Variants in NPAT observed in about 807,000 individuals in gnomAD.
NPAT encodes the protein protein NPAT.
In NPAT, 52 loss-of-function variants were observed where a neutral mutation model predicts 130.7. The observed-to-expected ratio is 0.40, with a 90% confidence interval of 0.32 to 0.50. The LOEUF (loss-of-function observed/expected upper bound fraction) is 0.50, where lower values mean the gene tolerates loss of function less well. NPAT is among the 20% of genes least tolerant of loss of function. NPAT has a pLI of 0.68. For missense variants in NPAT, 1,687 were observed against 1,662.6 expected (o/e 1.01, Z -0.26); for synonymous variants, 580 against 584.8 (o/e 0.99, Z 0.12).
At chr11:108,204,357 A>G (rs529328551) in intron 1 of NPAT, among the ~76,000 whole-genome samples, 58 of 140,470 alleles carry the variant, frequency 4.1e-4, no homozygotes, top group African/African-American at 1.5e-3. Flanking sequence ...TGAGCCCATA[A>G]AAACCCTGGA....
chr11:108,181,724 A>C (rs1271694028), intron 10 of NPAT, among the ~76,000 whole-genome samples: 2 of 151,454 alleles, frequency 1.3e-5, no homozygotes, highest in East Asian at 4.0e-4. Context: ...GGAGGCCTGC[A>C]TCGAGGTCAT....
chr11:108,168,798 CAAGA>C (rs1410078897), intron 15 of NPAT, among the ~76,000 whole-genome samples: 1 of 151,968 alleles, frequency 6.6e-6, no homozygotes, highest in African/African-American at 2.4e-5. Context: ...GGTACAGGGA[CAAGA>C]AAGATCACCA....
In NPAT at chr11:108,161,096, CATA is replaced by C; in HGVS notation, c.3987_3989del (p.Asn1329_Met1330delinsLys). 6.2e-7 allele frequency: 1 copy of C among 1,614,128 alleles called. No homozygotes were observed. Among genetic ancestry groups the C allele is most frequent in the Non-Finnish European group, 8.5e-7 (1 of 1,180,034 alleles). On this transcript the variant is annotated inframe_deletion, in exon 17 of 18. Coordinates refer to ENST00000278612, the MANE Select transcript of NPAT (RefSeq NM_002519.3). ...AGAGAATCATTAATGTGTGGGCAGCCATATTTACACTGTTTTCACTTCCTGTTT... is the reference window on the plus strand; with the variant it reads ...AGAGAATCATTAATGTGTGGGCAGCCTTTACACTGTTTTCACTTCCTGTTT...
chr11:108,221,687 G>A (rs553651947), intron 1 of NPAT, among the ~76,000 whole-genome samples: 4 of 152,294 alleles, frequency 2.6e-5, no homozygotes, highest in South Asian at 2.1e-4. Flanking sequence ...TACGACGTCC[G>A]TAAATTACTG....
chr11:108,195,128 C>T (rs994564950), intron 2 of NPAT, among the ~76,000 whole-genome samples: 3 of 151,974 alleles, frequency 2.0e-5, no homozygotes, highest in African/African-American at 7.2e-5. Context: ...AGCCTGTTTT[C>T]AGTTTTTAGC....
At chr11:108,208,600 A>AG (rs1555047551) in intron 1 of NPAT, 71 of 339,682 alleles carry the variant, frequency 2.1e-4, no homozygotes, top group African/African-American at 5.5e-4. Flanking sequence ...AAAAAAAAAA[A>AG]AGAGAGAGAG....
At chr11:108,175,031 T>G (rs536327463) in intron 12 of NPAT, among the ~76,000 whole-genome samples, 9 of 152,374 alleles carry the variant, frequency 5.9e-5, no homozygotes, top group African/African-American at 2.2e-4. Flanking sequence ...TTATGTCAAC[T>G]AGCATATACA....
Position 108,189,186 on chromosome 11 carries a change from C to A in NPAT, c.476G>T (p.Arg159Leu), listed in dbSNP as rs369929633. The change falls in exon 6 of 18, where the codon CGA becomes CTA. Residue 159 changes from arginine (R) to leucine (L), a missense_variant. By Grantham distance (102) the Arg-to-Leu change is moderately radical. Around this residue, in one of 3 missense-constraint regions of NPAT, gnomAD observed 307 missense variants for 298.9 expected, o/e 1.03. Transcript: ENST00000278612. The stretch of plus-strand genomic sequence containing the variant: ...TGGATCTGAAATTTGGCCACTTGGT[C>A]GAGTAACCTGTGTACCTGTGGAAGG... ...TPPSTGTQVT[R>L]PSGQISDPSR... 14 of 1,613,940 alleles carry A rather than the reference C, an allele frequency of 8.7e-6. No individual in the cohort carries two copies. The Admixed American group carries it at 2.3e-4, about 27-fold the overall frequency.
chr11:108,165,039 T>C (rs989651947), intron 15 of NPAT, among the ~76,000 whole-genome samples: 5 of 150,034 alleles, frequency 3.3e-5, no homozygotes, highest in Non-Finnish European at 7.4e-5. Context: ...AAATAAGGAG[T>C]GGAAAGGATA....
In NPAT at chr11:108,158,813, T is replaced by C. The variant is rs544086322; in HGVS notation, c.*129A>G. 95 of 642,204 alleles carry C rather than the reference T, an allele frequency of 1.5e-4. No homozygotes were observed. In the South Asian group the frequency reaches 1.5e-3, roughly 10 times the overall value. The allele number at this position is 642,204 out of a possible 1,614,324, so 39.8% of individuals were successfully genotyped here. A position where few individuals can be genotyped will look rare whatever the true frequency, so the allele number is the denominator to read the frequency against. On this transcript the variant is annotated 3_prime_UTR_variant, in exon 18 of 18. Coordinates refer to ENST00000278612, the MANE Select transcript of NPAT (RefSeq NM_002519.3). ...TGTTTCAGAAACAGCATGATTTAGA[T>C]ATAAAGTGAAGTTTCAGTACAATGA...
intron 1 of NPAT, among the ~76,000 whole-genome samples, chr11:108,206,924 A>T (rs2078331100): frequency 6.6e-6 from 1 of 152,166 alleles, no homozygotes; most frequent in Non-Finnish European, 1.5e-5. Context: ...GAGGATACCC[A>T]CAGTGGGAAG....
At chr11:108,213,094 A>G (rs2078400016) in intron 1 of NPAT, among the ~76,000 whole-genome samples, 1 of 152,034 alleles carries the variant, frequency 6.6e-6, no homozygotes, top group Admixed American at 6.6e-5. Context: ...ACCAACATGG[A>G]GAAACCCTGG....
chr11:108,164,311 G>A (rs2077880481), intron 15 of NPAT, among the ~76,000 whole-genome samples: 1 of 152,174 alleles, frequency 6.6e-6, no homozygotes, highest in African/African-American at 2.4e-5. Context: ...AAGTGGTAGG[G>A]AATGGTAGCA....
intron 15 of NPAT, among the ~76,000 whole-genome samples, chr11:108,162,861 C>G (rs1365922139): frequency 1.3e-5 from 2 of 152,112 alleles, no homozygotes; most frequent in Non-Finnish European, 2.9e-5. Context: ...AAATTCTGTC[C>G]CGGTACCTAT....
rs1167415267 is a variant in NPAT at position 108,185,222 on chromosome 11, C to G, written c.906+10G>C. On this transcript the variant is annotated intron_variant, in intron 10 of 17. Coordinates refer to ENST00000278612, the MANE Select transcript of NPAT (RefSeq NM_002519.3). ...ACACACGCACCCATGCACACCCCAA[C>G]CACCCATACCGGAAGTCCTAGGAAT... The G allele has an allele frequency of 6.3e-7, 1 of 1,596,524 alleles. No homozygotes were observed.
Position 108,157,437 on chromosome 11 carries a change from C to T in NPAT, c.*1505G>A, listed in dbSNP as rs2077807563. 1 of 152,082 alleles carries T rather than the reference C, an allele frequency of 6.6e-6. No homozygotes were observed. 9.4% of individuals were successfully genotyped at this position (152,082 alleles called of 1,614,324 possible). On this transcript the variant is annotated 3_prime_UTR_variant, in exon 18 of 18. Coordinates refer to ENST00000278612, the MANE Select transcript of NPAT (RefSeq NM_002519.3). ...TATTCAAACCTAACTGTAGTACAGT[C>T]TCAAGCTGAGTTAAATAAACATTAA...
At chr11:108,166,564 T>G (rs561731888) in intron 15 of NPAT, among the ~76,000 whole-genome samples, 202 of 152,362 alleles carry the variant, frequency 1.3e-3, no homozygotes, top group Non-Finnish European at 2.4e-3. Flanking sequence ...ATTGTATATT[T>G]AATGATCAAT....
intron 17 of NPAT, 34 bp from the exon 18 acceptor site, chr11:108,159,053 AAC>A: frequency 7.1e-7 from 1 of 1,401,180 alleles, no homozygotes. Context: ...ATAAACTCAA[AAC>A]AAGGCCAAAA....
chr11:108,183,249 A>T (rs1467315323), intron 10 of NPAT, among the ~76,000 whole-genome samples: 1 of 152,136 alleles, frequency 6.6e-6, no homozygotes, highest in Non-Finnish European at 1.5e-5. Flanking sequence ...GGCCTCTCAA[A>T]GTGCTGGGAT....
Sources: allele counts gnomAD v4.1 joint callset (sites outside exome capture counted in the v4.1 genomes callset), GRCh38; gene constraint gnomAD v4.1.1; regional missense constraint gnomAD v4.1.1; transcripts MANE v1.5; gene names NCBI Gene and HGNC (gene_info 2026-07-23, HGNC 2026-07-21).